The following NRXN1 variants were observed in gnomAD, a reference collection of about 807,000 sequenced individuals.
NRXN1 encodes the protein neurexin 1.
A neutral mutation model predicts 150.9 loss-of-function variants in NRXN1; 39 were observed. The observed-to-expected ratio is 0.26, with a 90% confidence interval of 0.20 to 0.34. NRXN1 has a LOEUF of 0.34. Among genes scored for constraint, NRXN1 ranks in the 10% least tolerant of loss-of-function variants. The probability of loss-of-function intolerance (pLI) is 1.00; values close to 1 mark genes in which losing one functional copy is unlikely to be tolerated. For synonymous variants in NRXN1, 924 were observed against 757.0 expected (o/e 1.22, Z -3.62); for missense variants, 1,815 against 1,949.9 (o/e 0.93, Z 1.30).
intron 21 of NRXN1, among the ~76,000 whole-genome samples, chr2:50,015,373 G>C (rs1686403315): frequency 6.6e-6 from 1 of 151,970 alleles, no homozygotes; most frequent in Non-Finnish European, 1.5e-5. Context: ...AAATCATATA[G>C]TGAGACCTCC....
intron 18 of NRXN1, among the ~76,000 whole-genome samples, chr2:50,204,341 CGT>C (rs70946895): frequency 0.42 from 46,531 of 111,040 alleles, 7,484 homozygotes; most frequent in Middle Eastern, 0.5. Flanking sequence ...TAAGAAATAC[CGT>C]GTGTGTGTGT....
chr2:50,854,735 T>C (rs1675018897), intron 5 of NRXN1, among the ~76,000 whole-genome samples: 1 of 152,102 alleles, frequency 6.6e-6, no homozygotes, highest in African/African-American at 2.4e-5. Flanking sequence ...GTAAGTGGTA[T>C]GTAACCTGCA....
chr2:50,600,713 G>A (rs1457723111), intron 8 of NRXN1, among the ~76,000 whole-genome samples: 1 of 152,144 alleles, frequency 6.6e-6, no homozygotes, highest in East Asian at 1.9e-4. Context: ...TTACTTAGAA[G>A]TTTCTACAGA....
intron 2 of NRXN1, among the ~76,000 whole-genome samples, chr2:51,026,212 G>A (rs957784357): frequency 6.6e-6 from 1 of 152,226 alleles, no homozygotes; most frequent in Admixed American, 6.5e-5. Context: ...TATAGCTTTC[G>A]AAATCAGATT....
chr2:50,960,417 C>T lies in NRXN1; in HGVS notation c.773-34462G>A, dbSNP rs554266014. ...CTCTCTTCTTAGGGTAAATGTACTC[C>T]GCATTTTAAATGATTTGAAACCTAC... On this transcript the variant is annotated intron_variant, in intron 2 of 22. Transcript: ENST00000401669. 6.0e-5 allele frequency among the ~76,000 whole-genome samples: 9 copies of T among 150,982 alleles called. No individual in the cohort carries two copies. In the South Asian group the frequency reaches 1.3e-3, roughly 21 times the overall value.
intron 2 of NRXN1, among the ~76,000 whole-genome samples, chr2:50,928,982 A>G (rs1342772210): frequency 6.6e-6 from 1 of 152,000 alleles, no homozygotes; most frequent in Non-Finnish European, 1.5e-5. Flanking sequence ...TTTACATTTT[A>G]TTTTTCTTTC....
Position 50,754,089 on chromosome 2 carries a change from T to C in NRXN1, c.833-130474A>G, listed in dbSNP as rs139589312. 3.6e-3 allele frequency among the ~76,000 whole-genome samples: 551 copies of C among 151,474 alleles called. 3 individuals carry two copies. Among genetic ancestry groups the C allele is most frequent in the African/African-American group, 0.011 (469 of 41,320 alleles). ...TAATATACCATAAAAGGAAAATGAA[T>C]AGGTGATTCATTCACTATCCATTTA... On this transcript the variant is annotated intron_variant, in intron 5 of 22. Transcript: ENST00000401669.
chr2:49,974,144 G>A (rs1452406845), intron 21 of NRXN1: 3 of 713,958 alleles, frequency 4.2e-6, no homozygotes, highest in Non-Finnish European at 7.8e-6. Context: ...TAAATTGCCT[G>A]CGCATCAGCC....
At chr2:49,947,619 C>A (rs1481108798) in intron 21 of NRXN1, among the ~76,000 whole-genome samples, 2 of 150,406 alleles carry the variant, frequency 1.3e-5, no homozygotes, top group East Asian at 3.9e-4. Flanking sequence ...ACCTGAGCCT[C>A]CCGAAGTGCT....
At chr2:50,745,198 A>G (rs78180195) in intron 5 of NRXN1, among the ~76,000 whole-genome samples, 6,424 of 152,210 alleles carry the variant, frequency 0.042, 165 homozygotes, top group Admixed American at 0.068. Flanking sequence ...TAGTATCTAC[A>G]TGAAATGACT....
chr2:50,720,186 T>G (rs1696451514), intron 5 of NRXN1, among the ~76,000 whole-genome samples: 1 of 152,168 alleles, frequency 6.6e-6, no homozygotes, highest in Admixed American at 6.5e-5. Flanking sequence ...ATATATATAT[T>G]GTCTTTCAAC....
intron 17 of NRXN1, among the ~76,000 whole-genome samples, chr2:50,335,045 A>C (rs904731570): frequency 1.3e-5 from 2 of 152,174 alleles, no homozygotes; most frequent in African/African-American, 4.8e-5. Flanking sequence ...ATATCATCCC[A>C]GGTGATCATA....
intron 21 of NRXN1, among the ~76,000 whole-genome samples, chr2:49,991,853 T>C (rs1265803804): frequency 6.6e-6 from 1 of 152,214 alleles, no homozygotes; most frequent in African/African-American, 2.4e-5. Context: ...ACTATAAAGT[T>C]ATAACATTCA....
At chr2:50,020,184 C>A (rs1687356182) in intron 21 of NRXN1, among the ~76,000 whole-genome samples, 3 of 152,024 alleles carry the variant, frequency 2.0e-5, no homozygotes, top group Non-Finnish European at 4.4e-5. Flanking sequence ...GATTTATAAA[C>A]AGCAGAAGAA....
intron 13 of NRXN1, among the ~76,000 whole-genome samples, chr2:50,501,625 G>A (rs2091952040): frequency 6.7e-6 from 1 of 149,484 alleles, no homozygotes; most frequent in Non-Finnish European, 1.5e-5. Flanking sequence ...GTTCCATAAA[G>A]GACATACACA....
intron 5 of NRXN1, among the ~76,000 whole-genome samples, chr2:50,751,599 T>C (rs1038404467): frequency 1.7e-4 from 26 of 152,082 alleles, no homozygotes; most frequent in African/African-American, 6.3e-4. Context: ...CCAGCCCATC[T>C]TCGGTCAGCA....
intron 15 of NRXN1, among the ~76,000 whole-genome samples, chr2:50,481,578 T>A (rs1314822965): frequency 1.3e-5 from 2 of 152,260 alleles, no homozygotes; most frequent in South Asian, 4.1e-4. Context: ...GACACTTGTA[T>A]GTATCCATGG....
intron 17 of NRXN1, chr2:50,312,863 A>G: frequency 2.2e-6 from 1 of 457,066 alleles, no homozygotes; most frequent in East Asian, 6.8e-5. Flanking sequence ...AAGTTTTGAT[A>G]GAGGCAGGCA....
intron 5 of NRXN1, among the ~76,000 whole-genome samples, chr2:50,707,658 G>C (rs1419387468): frequency 1.3e-5 from 2 of 152,218 alleles, no homozygotes; most frequent in South Asian, 4.1e-4. Flanking sequence ...AGAACTCCTT[G>C]CCATTCTTCA....
Sources: allele counts gnomAD v4.1 joint callset (sites outside exome capture counted in the v4.1 genomes callset), GRCh38; gene constraint gnomAD v4.1.1; transcripts MANE v1.5; gene names NCBI Gene and HGNC (gene_info 2026-07-23, HGNC 2026-07-21).